Variants in VPS35L observed in about 807,000 individuals in gnomAD.
VPS35L encodes VPS35 endosomal protein-sorting factor-like.
Under a neutral mutation model 133.0 loss-of-function variants are expected in VPS35L, and 83 were observed. That is an observed-to-expected ratio of 0.62 (90% CI 0.52 to 0.75). VPS35L has a LOEUF of 0.75. Among genes scored for constraint, VPS35L ranks in the 30% least tolerant of loss-of-function variants. The pLI, the probability that VPS35L is intolerant of heterozygous loss-of-function variation, is 0.00. For missense variants in VPS35L, 1,083 were observed against 1,206.8 expected, an observed-to-expected ratio of 0.90 and a Z score of 1.52; for synonymous variants, 423 against 449.9, an observed-to-expected ratio of 0.94 and a Z score of 0.76.
chr16:19,570,872 TATATATATATATATA>T (rs1597312746), intron 3 of VPS35L, among the ~76,000 whole-genome samples: 2 of 92,396 alleles, frequency 2.2e-5, no homozygotes, highest in African/African-American at 1.1e-4. Flanking sequence ...TATATATATA[TATATATATATATATA>T]TATTTTTGAG....
intron 7 of VPS35L, among the ~76,000 whole-genome samples, chr16:19,588,417 C>G (rs539907534): frequency 3.9e-5 from 6 of 152,116 alleles, no homozygotes; most frequent in Admixed American, 3.3e-4. Flanking sequence ...AATTCAAACT[C>G]CTGACCTCAG....
At chr16:19,558,561 T>G (rs576269246) in intron 1 of VPS35L, among the ~76,000 whole-genome samples, 4 of 152,230 alleles carry the variant, frequency 2.6e-5, no homozygotes, top group Non-Finnish European at 2.9e-5. Context: ...GGCTAGGAGA[T>G]GAGATGTCCT....
chr16:19,578,740 A>C lies in VPS35L; in HGVS notation c.434-312A>C. The C allele has an allele frequency of 1.1e-5, 4 of 369,278 alleles. No homozygotes were observed. In the South Asian group the frequency reaches 1.1e-4, roughly 10 times the overall value. The allele number at this position is 369,278 out of a possible 1,614,324, so 22.9% of individuals were successfully genotyped here. ...AACAATTAGATGACGGATTTTTGGC[A>C]TCCTTATCTGGACTGCCTTTCTTTA... On this transcript the variant is annotated intron_variant, in intron 5 of 30. Transcript: ENST00000417362.
intron 5 of VPS35L, chr16:19,578,268 C>T (rs753051518): frequency 5.4e-5 from 24 of 447,506 alleles, no homozygotes; most frequent in Admixed American, 4.9e-5. Context: ...ACCCTAAGTC[C>T]ACATTTCTTT....
At chr16:19,560,249 T>C (rs1238259769) in intron 1 of VPS35L, among the ~76,000 whole-genome samples, 1 of 152,158 alleles carries the variant, frequency 6.6e-6, no homozygotes, top group Admixed American at 6.5e-5. Context: ...GTTGATTAAA[T>C]GAGGAAACGG....
At chr16:19,608,576 G>T (rs952892436) in intron 10 of VPS35L, 2 of 394,508 alleles carry the variant, frequency 5.1e-6, no homozygotes, top group Non-Finnish European at 9.0e-6. Flanking sequence ...TGTTTTCTCT[G>T]ATTCCAAGAA....
chr16:19,614,538 G>A (rs1359912782), intron 12 of VPS35L, among the ~76,000 whole-genome samples: 1 of 152,194 alleles, frequency 6.6e-6, no homozygotes, highest in Non-Finnish European at 1.5e-5. Flanking sequence ...AACCTCCCAG[G>A]TAGCTGGGTC....
At chr16:19,648,941 G>C (rs1170337504) in intron 24 of VPS35L, among the ~76,000 whole-genome samples, 1 of 150,064 alleles carries the variant, frequency 6.7e-6, no homozygotes, top group Non-Finnish European at 1.5e-5. Flanking sequence ...CAACTTGACA[G>C]CCATTTGAAG....
intron 26 of VPS35L, among the ~76,000 whole-genome samples, chr16:19,656,172 G>A (rs140397541): frequency 0.029 from 4,396 of 150,010 alleles, 101 homozygotes; most frequent in Middle Eastern, 0.049. Flanking sequence ...GCTGAGGCAC[G>A]AGAATCGCTT....
chr16:19,598,910 C>A (rs967845798), intron 8 of VPS35L, among the ~76,000 whole-genome samples: 1 of 152,102 alleles, frequency 6.6e-6, no homozygotes, highest in African/African-American at 2.4e-5. Context: ...TCATTCTGTG[C>A]ACCATGGGAG....
intron 24 of VPS35L, among the ~76,000 whole-genome samples, chr16:19,649,482 C>A (rs552658666): frequency 6.6e-6 from 1 of 152,324 alleles, no homozygotes; most frequent in Admixed American, 6.5e-5. Context: ...ACAAGTTTTA[C>A]AAATATATGA....
At chr16:19,641,616 C>T (rs891215770) in intron 21 of VPS35L, among the ~76,000 whole-genome samples, 10 of 152,098 alleles carry the variant, frequency 6.6e-5, no homozygotes, top group Admixed American at 2.0e-4. Flanking sequence ...AATATTAATT[C>T]CTAATTAATA....
rs534120195 is a variant in VPS35L, at chr16:19,630,600, C to A, written c.1554+780C>A. 2.6e-4 allele frequency among the ~76,000 whole-genome samples: 40 copies of A among 152,198 alleles called. 1 individual carries two copies. The highest frequency in any genetic ancestry group is 7.0e-4 in the African/African-American group (29 of 41,556). ...CAGCCCGCCTCTGCCTCCCAAAGTG[C>A]TGGGATTACAGGCGTGAGCCACCGC... On this transcript the variant is annotated intron_variant, in intron 18 of 30. Transcript: ENST00000417362.
At position 19,646,938 on chromosome 16, in the gene VPS35L, G is replaced by A. The variant is rs186082555; in HGVS notation, c.1930-846G>A. Reference sequence around the variant, plus strand: ...GCTCTAAGCCAAAACACCAACTGCTGCAAATATCTTCTATTTTAATAGAAA... The same window carrying A: ...GCTCTAAGCCAAAACACCAACTGCTACAAATATCTTCTATTTTAATAGAAA... On this transcript the variant is annotated intron_variant, in intron 23 of 30. Coordinates refer to ENST00000417362, the MANE Select transcript of VPS35L (RefSeq NM_020314.7). Among the ~76,000 whole-genome samples, 395 of 152,276 alleles carry A rather than the reference G, an allele frequency of 2.6e-3. 1 individual carries two copies. The highest frequency in any genetic ancestry group is 4.4e-3 in the Non-Finnish European group (302 of 68,026).
At chr16:19,580,001 A>AC (rs1348080125) in intron 6 of VPS35L, among the ~76,000 whole-genome samples, 1 of 149,776 alleles carries the variant, frequency 6.7e-6, no homozygotes, top group African/African-American at 2.5e-5. Context: ...GGAGTTTGAG[A>AC]CCAGCCTGGC....
At chr16:19,651,826 C>A in intron 25 of VPS35L, 150 bp from the exon 26 acceptor site, 1 of 650,616 alleles carries the variant, frequency 1.5e-6, no homozygotes, top group Non-Finnish European at 2.8e-6. Context: ...GTCATCAGAG[C>A]AGAGTTGTAC....
rs567319982 is a variant in VPS35L, at chr16:19,556,013, AC to A, written c.17+268del. 5.2e-4 allele frequency among the ~76,000 whole-genome samples: 79 copies of A among 152,166 alleles called. 5 individuals carry two copies. The South Asian group carries it at 0.016, about 31-fold the overall frequency. On this transcript the variant is annotated intron_variant, in intron 1 of 30. Transcript: ENST00000417362. ...CCTGTCCATTCATTCCCTAAAGAAAACTTGAGTTTCCAGGCTTCCGCGTCCC... is the reference window on the plus strand; with the variant it reads ...CCTGTCCATTCATTCCCTAAAGAAAATTGAGTTTCCAGGCTTCCGCGTCCC...
chr16:19,572,934 C>G (rs1163447281), intron 3 of VPS35L, among the ~76,000 whole-genome samples, 185 bp from the exon 4 acceptor site: 1 of 152,158 alleles, frequency 6.6e-6, no homozygotes, highest in Non-Finnish European at 1.5e-5. Context: ...CTTGGCCTCC[C>G]AAAGTGCTGG....
intron 8 of VPS35L, among the ~76,000 whole-genome samples, chr16:19,600,163 G>A (rs1312865307): frequency 6.6e-6 from 1 of 151,608 alleles, no homozygotes; most frequent in Non-Finnish European, 1.5e-5. Context: ...CTGATCCCAC[G>A]TTCTTTAACC....
Sources: gnomAD v4.1 joint callset for allele counts (sites outside exome capture counted in the v4.1 genomes callset) on GRCh38, gnomAD v4.1.1 for gene constraint, MANE v1.5 for transcripts, NCBI Gene and HGNC (gene_info 2026-07-23, HGNC 2026-07-21) for gene names.